TAF2: variants seen among roughly 807,000 people sequenced by gnomAD.
TAF2 encodes the protein transcription initiation factor TFIID subunit 2.
Under a neutral mutation model 138.5 loss-of-function variants are expected in TAF2, and 61 were observed. That is an observed-to-expected ratio of 0.44 (90% CI 0.36 to 0.54). The LOEUF (loss-of-function observed/expected upper bound fraction) is 0.54. TAF2 is among the 20% of genes least tolerant of loss of function. The pLI, the probability that TAF2 is intolerant of heterozygous loss-of-function variation, is 0.00. For missense variants in TAF2, 1,090 were observed against 1,427.9 expected (o/e 0.76, Z 3.81); for synonymous variants, 475 against 469.9 (o/e 1.01, Z -0.14).
At position 119,795,527 on chromosome 8, in the gene TAF2, A is replaced by C; in HGVS notation, c.1191+5T>G. The C allele has an allele frequency of 6.2e-7, 1 of 1,610,344 alleles. No homozygotes were observed. Among genetic ancestry groups the C allele is most frequent in the Non-Finnish European group, 8.5e-7 (1 of 1,176,738 alleles). ...TAAGTGGATAAGGGATCTAGCTGTT[A>C]TTACCTCTTTAATCCAATGGCGGTA... On this transcript the variant is annotated splice_donor_5th_base_variant and intron_variant, in intron 9 of 25. Transcript: ENST00000378164.
intron 14 of TAF2, among the ~76,000 whole-genome samples, chr8:119,786,205 T>C (rs1001002791): frequency 2.6e-5 from 4 of 152,154 alleles, no homozygotes; most frequent in Admixed American, 2.6e-4. Flanking sequence ...ATGAAGAATA[T>C]ATTAAAGAAA....
chr8:119,811,581 C>T (rs571820078), intron 3 of TAF2, among the ~76,000 whole-genome samples: 75 of 151,844 alleles, frequency 4.9e-4, no homozygotes, highest in Non-Finnish European at 5.9e-4. Context: ...CCGAGGCGGG[C>T]AGATCACGAG....
intron 11 of TAF2, 41 bp downstream of exon 11, chr8:119,791,283 T>C (rs747139602): frequency 1.2e-6 from 2 of 1,604,750 alleles, no homozygotes; most frequent in African/African-American, 2.7e-5. Context: ...CACATACAGA[T>C]CTTTATTTAC....
intron 18 of TAF2, among the ~76,000 whole-genome samples, chr8:119,774,252 T>C (rs1235869550): frequency 6.6e-6 from 1 of 152,124 alleles, no homozygotes; most frequent in African/African-American, 2.4e-5. Context: ...CTCATCACAG[T>C]ATCATCAAAA....
intron 22 of TAF2, among the ~76,000 whole-genome samples, chr8:119,749,546 T>G (rs1307309512): frequency 2.0e-5 from 3 of 152,208 alleles, no homozygotes; most frequent in Non-Finnish European, 4.4e-5. Flanking sequence ...ATATTTCACT[T>G]AAGTTGAGAG....
At chr8:119,750,579 A>G (rs1006941805) in intron 22 of TAF2, among the ~76,000 whole-genome samples, 1 of 151,942 alleles carries the variant, frequency 6.6e-6, no homozygotes, top group Non-Finnish European at 1.5e-5. Flanking sequence ...ATTTCTATTT[A>G]TGTGTGTGTG....
chr8:119,811,662 C>T (rs1337167609), intron 3 of TAF2, among the ~76,000 whole-genome samples: 3 of 151,404 alleles, frequency 2.0e-5, no homozygotes, highest in Admixed American at 6.6e-5. Flanking sequence ...AAAAATTAGC[C>T]GGGCGTGGTG....
intron 5 of TAF2, among the ~76,000 whole-genome samples, chr8:119,802,441 T>C (rs1042524106): frequency 7.2e-5 from 11 of 152,214 alleles, no homozygotes; most frequent in African/African-American, 2.7e-4. Context: ...ATAAAACTGC[T>C]TTTTTGGAGT....
chr8:119,777,168 T>C (rs1457569953), intron 18 of TAF2, among the ~76,000 whole-genome samples: 1 of 152,226 alleles, frequency 6.6e-6, no homozygotes, highest in Admixed American at 6.6e-5. Flanking sequence ...GCAAATATTA[T>C]ATAACATTTA....
At chr8:119,772,253 T>C (rs1415895913) in intron 18 of TAF2, among the ~76,000 whole-genome samples, 2 of 152,202 alleles carry the variant, frequency 1.3e-5, no homozygotes, top group Admixed American at 6.5e-5. Context: ...CTACTTTGGA[T>C]TGAACAAAGA....
Position 119,742,652 on chromosome 8 carries a change from G to C in TAF2, c.3219C>G (p.Leu1073=). 6.2e-7 allele frequency: 1 copy of C among 1,613,646 alleles called. No homozygotes were observed. The highest frequency in any genetic ancestry group is 8.5e-7 in the Non-Finnish European group (1 of 1,179,866). ...NMLERPSTPG[L]SKYRPASSRS... is the part of the protein sequence containing the mutation. ...GGGAGCTAGCTGGCCGATATTTCGA[G>C]AGCCCTAAAATGCCAAACAAGAGAA... is the stretch of plus-strand genomic sequence containing the variant. Residue 1073 remains leucine, a synonymous_variant, in exon 25 of 26, where the codon CTC becomes CTG. Transcript: ENST00000378164.
chr8:119,742,401 A>T (rs1417679766), intron 25 of TAF2, 133 bp downstream of exon 25: 3 of 1,096,942 alleles, frequency 2.7e-6, no homozygotes, highest in African/African-American at 1.6e-5. Flanking sequence ...TATAAGCTCA[A>T]TGTATTACAA....
intron 3 of TAF2, among the ~76,000 whole-genome samples, chr8:119,812,898 T>C (rs563322952): frequency 6.6e-6 from 1 of 152,318 alleles, no homozygotes; most frequent in Non-Finnish European, 1.5e-5. Flanking sequence ...TGAATTGTGC[T>C]GCAATAAACA....
intron 14 of TAF2, 87 bp from the exon 15 acceptor site, chr8:119,785,353 T>C (rs1043752080): frequency 7.7e-6 from 7 of 904,276 alleles, no homozygotes; most frequent in Non-Finnish European, 1.3e-5. Flanking sequence ...AAATAAAGTA[T>C]TTCACACAAC....
chr8:119,735,364 T>C (rs1819158346), intron 25 of TAF2, among the ~76,000 whole-genome samples: 1 of 152,212 alleles, frequency 6.6e-6, no homozygotes, highest in African/African-American at 2.4e-5. Flanking sequence ...TCTTTTTAAA[T>C]GTCAGGTGAA....
chr8:119,828,653 AT>A (rs1826248275), intron 2 of TAF2, among the ~76,000 whole-genome samples: 1 of 152,242 alleles, frequency 6.6e-6, no homozygotes, highest in Non-Finnish European at 1.5e-5. Flanking sequence ...AACTTCGGCC[AT>A]ACTACCAGCT....
chr8:119,800,906 T>C (rs1253371462), intron 6 of TAF2, among the ~76,000 whole-genome samples: 3 of 152,170 alleles, frequency 2.0e-5, no homozygotes, highest in Admixed American at 2.0e-4. Flanking sequence ...AAAAGAGAGT[T>C]AACAACTAAT....
intron 19 of TAF2, among the ~76,000 whole-genome samples, chr8:119,762,038 A>G (rs1821099716): frequency 6.6e-6 from 1 of 152,178 alleles, no homozygotes; most frequent in African/African-American, 2.4e-5. Context: ...AAAGCTGGTA[A>G]AAGTGAAAAG....
intron 22 of TAF2, among the ~76,000 whole-genome samples, chr8:119,754,959 G>A (rs1002718462): frequency 1.3e-5 from 2 of 152,172 alleles, no homozygotes; most frequent in Non-Finnish European, 2.9e-5. Flanking sequence ...ATTGAGAAGC[G>A]TAACTATCAT....
Sources: gnomAD v4.1 joint callset for allele counts (sites outside exome capture counted in the v4.1 genomes callset) on GRCh38, gnomAD v4.1.1 for gene constraint, MANE v1.5 for transcripts, NCBI Gene and HGNC (gene_info 2026-07-23, HGNC 2026-07-21) for gene names.